TTC28: variants seen among roughly 807,000 people sequenced by gnomAD.
TTC28 encodes tetratricopeptide repeat protein 28.
A neutral mutation model predicts 198.0 loss-of-function variants in TTC28; 61 were observed. The ratio of observed to expected loss-of-function variants is 0.31; its 90% CI spans 0.25 to 0.38. The LOEUF (loss-of-function observed/expected upper bound fraction) is 0.38. TTC28 is among the 10% of genes least tolerant of loss of function. The pLI is 1.00. For missense variants in TTC28, 2,678 were observed against 3,164.0 expected, an observed-to-expected ratio of 0.85 and a Z score of 3.69; for synonymous variants, 1,171 against 1,297.8, an observed-to-expected ratio of 0.90 and a Z score of 2.10.
chr22:28,367,946 C>T (rs535582602), intron 2 of TTC28, among the ~76,000 whole-genome samples: 6 of 151,866 alleles, frequency 4.0e-5, no homozygotes, highest in Admixed American at 2.6e-4. Context: ...AAGAAAGGCC[C>T]GAGACTCGAT....
chr22:28,648,196 C>G (rs1435545177), intron 1 of TTC28, among the ~76,000 whole-genome samples: 1 of 149,026 alleles, frequency 6.7e-6, no homozygotes, highest in African/African-American at 2.5e-5. Context: ...TGCACTCCAG[C>G]CTGGGCGACC....
At chr22:28,536,836 A>G (rs2049290802) in intron 2 of TTC28, among the ~76,000 whole-genome samples, 1 of 152,130 alleles carries the variant, frequency 6.6e-6, no homozygotes, top group Non-Finnish European at 1.5e-5. Context: ...AAAAACATGT[A>G]ACACTGGGAA....
intron 5 of TTC28, among the ~76,000 whole-genome samples, chr22:28,231,623 TTAC>T (rs1277900166): frequency 6.6e-6 from 1 of 152,202 alleles, no homozygotes; most frequent in Non-Finnish European, 1.5e-5. Flanking sequence ...TGTTAGCAGT[TTAC>T]ACATGGCTGG....
intron 10 of TTC28, 111 bp from the exon 11 acceptor site, chr22:28,096,519 C>G (rs1601614851): frequency 9.1e-7 from 1 of 1,100,638 alleles, no homozygotes. Flanking sequence ...CCTCTACTCT[C>G]CAATATGTGA....
chr22:28,630,758 A>G (rs1032365782), intron 1 of TTC28, among the ~76,000 whole-genome samples: 4 of 152,220 alleles, frequency 2.6e-5, no homozygotes, highest in Admixed American at 2.6e-4. Context: ...GCAGCCAACA[A>G]AGGGCCTTGC....
intron 14 of TTC28, 177 bp from the exon 15 acceptor site, chr22:28,001,730 T>C: frequency 1.5e-6 from 1 of 687,652 alleles, no homozygotes; most frequent in Non-Finnish European, 2.4e-6. Flanking sequence ...CGGCACCAAC[T>C]GGCATGCTCG....
At chr22:28,347,266 A>G (rs1225530708) in intron 2 of TTC28, among the ~76,000 whole-genome samples, 1 of 145,384 alleles carries the variant, frequency 6.9e-6, no homozygotes, top group Non-Finnish European at 1.5e-5. Context: ...CCTGTCTCAA[A>G]AGAGGAAAAA....
At chr22:28,437,799 C>T (rs994112857) in intron 2 of TTC28, among the ~76,000 whole-genome samples, 2 of 151,932 alleles carry the variant, frequency 1.3e-5, no homozygotes, top group Non-Finnish European at 2.9e-5. Context: ...TGCCATGTTC[C>T]CTAGGCTAGA....
chr22:28,636,544 T>C (rs562138376), intron 1 of TTC28, among the ~76,000 whole-genome samples: 9 of 152,330 alleles, frequency 5.9e-5, no homozygotes, highest in South Asian at 2.1e-4. Flanking sequence ...AGTGCAGATA[T>C]ACTTCAAGAT....
intron 12 of TTC28, among the ~76,000 whole-genome samples, chr22:28,052,101 A>G (rs1940110240): frequency 6.6e-6 from 1 of 152,192 alleles, no homozygotes; most frequent in Admixed American, 6.5e-5. Context: ...TGGAAAAGAG[A>G]TGGAATTTGT....
intron 2 of TTC28, among the ~76,000 whole-genome samples, chr22:28,430,190 A>G (rs1001184844): frequency 6.6e-6 from 1 of 152,242 alleles, no homozygotes; most frequent in Non-Finnish European, 1.5e-5. Flanking sequence ...AAAAAGATTC[A>G]CACGCTATGA....
intron 2 of TTC28, among the ~76,000 whole-genome samples, chr22:28,534,861 A>C (rs2049231761): frequency 6.7e-6 from 1 of 149,914 alleles, no homozygotes; most frequent in African/African-American, 2.4e-5. Flanking sequence ...GAATTGAACA[A>C]TGAGAACACT....
chr22:28,337,322 T>G (rs1195346292), intron 2 of TTC28, among the ~76,000 whole-genome samples: 2 of 152,188 alleles, frequency 1.3e-5, no homozygotes, highest in African/African-American at 2.4e-5. Context: ...TTCTGTTGAT[T>G]TGGGGTGGAG....
At chr22:28,442,447 C>A (rs1007980429) in intron 2 of TTC28, among the ~76,000 whole-genome samples, 1 of 152,230 alleles carries the variant, frequency 6.6e-6, no homozygotes, top group Non-Finnish European at 1.5e-5. Context: ...CGGCTGCCAG[C>A]GGCTCAGAGC....
At chr22:28,135,853 A>G (rs1417263220) in intron 6 of TTC28, among the ~76,000 whole-genome samples, 1 of 152,176 alleles carries the variant, frequency 6.6e-6, no homozygotes, top group East Asian at 1.9e-4. Flanking sequence ...GAAACACAGT[A>G]GATATATGAA....
intron 12 of TTC28, among the ~76,000 whole-genome samples, chr22:28,066,175 T>G (rs570972694): frequency 6.6e-6 from 1 of 152,148 alleles, no homozygotes; most frequent in Non-Finnish European, 1.5e-5. Flanking sequence ...ATTGTATATA[T>G]TCAAAGTGTA....
intron 2 of TTC28, among the ~76,000 whole-genome samples, chr22:28,333,516 T>C (rs984538626): frequency 4.5e-4 from 69 of 152,248 alleles, no homozygotes; most frequent in African/African-American, 1.5e-3. Flanking sequence ...CTTTGCTCTA[T>C]GATGCCAGGG....
At chr22:28,123,991 G>GA (rs959610332) in intron 6 of TTC28, among the ~76,000 whole-genome samples, 3 of 151,870 alleles carry the variant, frequency 2.0e-5, no homozygotes, top group African/African-American at 7.3e-5. Context: ...TCCAAAAAAA[G>GA]AAAAAATATA....
At chr22:28,446,688 T>C (rs1458727342) in intron 2 of TTC28, among the ~76,000 whole-genome samples, 1 of 152,212 alleles carries the variant, frequency 6.6e-6, no homozygotes, top group Non-Finnish European at 1.5e-5. Flanking sequence ...ATGCTTCCTG[T>C]ATAGCCTGCA....
Sources: allele counts gnomAD v4.1 joint callset (sites outside exome capture counted in the v4.1 genomes callset), GRCh38; gene constraint gnomAD v4.1.1; transcripts MANE v1.5; gene names NCBI Gene and HGNC (gene_info 2026-07-23, HGNC 2026-07-21).